CACUL1: variants seen among roughly 807,000 people sequenced by gnomAD.
CACUL1 encodes CDK2-associated and cullin domain-containing protein 1.
A neutral mutation model predicts 45.2 loss-of-function variants in CACUL1; 13 were observed. The ratio of observed to expected loss-of-function variants is 0.29; its 90% CI spans 0.19 to 0.46. The LOEUF (loss-of-function observed/expected upper bound fraction) is 0.46, where lower values mean the gene tolerates loss of function less well. CACUL1 is among the 20% of genes least tolerant of loss of function. The pLI, the probability that CACUL1 is intolerant of heterozygous loss-of-function variation, is 1.00. For synonymous variants in CACUL1, 197 were observed against 174.2 expected, an observed-to-expected ratio of 1.13 and a Z score of -1.03; for missense variants, 421 against 471.4, an observed-to-expected ratio of 0.89 and a Z score of 0.99.
chr10:118,724,906 A>G (rs1190733263), intron 3 of CACUL1, among the ~76,000 whole-genome samples: 1 of 152,242 alleles, frequency 6.6e-6, no homozygotes, highest in African/African-American at 2.4e-5. Context: ...TGAGGTATCT[A>G]TAAGATGAAA....
chr10:118,733,659 CTTG>C (rs1449050895), intron 1 of CACUL1, among the ~76,000 whole-genome samples: 2 of 152,208 alleles, frequency 1.3e-5, no homozygotes, highest in East Asian at 3.8e-4. Context: ...ACTAGATCCT[CTTG>C]TTAAGAGATA....
chr10:118,683,360 A>G lies in CACUL1; in HGVS notation c.*2768T>C, dbSNP rs1176876464. On this transcript the variant is annotated 3_prime_UTR_variant, in exon 9 of 9. Transcript: ENST00000369151. ...AAAACCCAGTATGTAATTGGGGTAG[A>G]AAAACCATATACTGTACTGGCAAGA... 6.7e-6 allele frequency: 1 copy of G among 149,662 alleles called. No homozygotes were observed. Among genetic ancestry groups the G allele is most frequent in the Admixed American group, 6.8e-5 (1 of 14,736 alleles). 9.3% of individuals were successfully genotyped at this position (149,662 alleles called of 1,614,324 possible).
chr10:118,746,151 C>CCAAAAAAAAAAAAA (rs1845841404), intron 1 of CACUL1, among the ~76,000 whole-genome samples: 1 of 91,288 alleles, frequency 1.1e-5, no homozygotes. Flanking sequence ...GACACTGTCT[C>CCAAAAAAAAAAAAA]AAAAAAAAAA....
At chr10:118,747,635 C>T (rs1463538201) in intron 1 of CACUL1, among the ~76,000 whole-genome samples, 4 of 147,030 alleles carry the variant, frequency 2.7e-5, no homozygotes, top group Middle Eastern at 3.6e-3. Flanking sequence ...TATGCGAGAA[C>T]GTGGAAGAAT....
chr10:118,720,128 T>C (rs1388230787), intron 3 of CACUL1, among the ~76,000 whole-genome samples: 5 of 152,332 alleles, frequency 3.3e-5, no homozygotes, highest in Non-Finnish European at 7.3e-5. Context: ...GATTTATTTC[T>C]AAAATAAGAC....
At chr10:118,705,300 A>G (rs1339634136) in intron 4 of CACUL1, among the ~76,000 whole-genome samples, 2 of 152,194 alleles carry the variant, frequency 1.3e-5, no homozygotes, top group African/African-American at 4.8e-5. Context: ...TTTGAAATAA[A>G]TTAGCCATCT....
At chr10:118,718,925 T>C (rs1245336218) in intron 3 of CACUL1, among the ~76,000 whole-genome samples, 1 of 152,194 alleles carries the variant, frequency 6.6e-6, no homozygotes, top group East Asian at 1.9e-4. Flanking sequence ...AAACTGTTCT[T>C]TTTATATACA....
intron 1 of CACUL1, among the ~76,000 whole-genome samples, chr10:118,738,561 T>G (rs1845761720): frequency 7.2e-6 from 1 of 139,772 alleles, no homozygotes; most frequent in African/African-American, 2.7e-5. Flanking sequence ...GAAAAGACAT[T>G]CACATACTAA....
Position 118,691,294 on chromosome 10 carries a change from T to C in CACUL1, c.996A>G (p.Gln332=), listed in dbSNP as rs757109307. The C allele has an allele frequency of 3.7e-5, 60 of 1,613,708 alleles. No homozygotes were observed. Among genetic ancestry groups the C allele is most frequent in the Middle Eastern group, 1.7e-4 (1 of 6,056 alleles). The part of the protein sequence containing the change: ...SEYAAQDQKF[Q]RELIQNGFTR... ...TAAAACCATTCTGTATAAGTTCTCT[T>C]TGAAATTTCTGATCTTGAGCAGCAT... Residue 332 remains glutamine (Q), a synonymous_variant, in exon 7 of 9, where the codon CAA becomes CAG. Transcript: ENST00000369151.
At chr10:118,721,630 C>G (rs1384203310) in intron 3 of CACUL1, among the ~76,000 whole-genome samples, 1 of 152,042 alleles carries the variant, frequency 6.6e-6, no homozygotes, top group East Asian at 1.9e-4. Flanking sequence ...TTAGTAATAT[C>G]GGCGCTAATC....
intron 1 of CACUL1, among the ~76,000 whole-genome samples, chr10:118,736,304 C>T (rs1845740508): frequency 6.6e-6 from 1 of 152,016 alleles, no homozygotes; most frequent in African/African-American, 2.4e-5. Context: ...AGAGTTATTA[C>T]AGAGAAGCCG....
intron 3 of CACUL1, 127 bp downstream of exon 3, chr10:118,729,168 C>T (rs1845677207): frequency 4.6e-6 from 3 of 646,330 alleles, no homozygotes; most frequent in East Asian, 5.8e-5. Context: ...TCAACATTCA[C>T]CTAGAAAACA....
intron 7 of CACUL1, among the ~76,000 whole-genome samples, chr10:118,690,637 CATT>C (rs1486797222): frequency 5.3e-5 from 8 of 152,168 alleles, no homozygotes; most frequent in Admixed American, 2.0e-4. Flanking sequence ...CATAAAAGTA[CATT>C]ATAACAGATC....
intron 5 of CACUL1, among the ~76,000 whole-genome samples, chr10:118,699,731 G>A (rs1316487663): frequency 6.6e-6 from 1 of 151,750 alleles, no homozygotes; most frequent in African/African-American, 2.4e-5. Flanking sequence ...TGCAAGCTCC[G>A]CATCCCGGGT....
At chr10:118,743,990 A>G (rs1845817248) in intron 1 of CACUL1, among the ~76,000 whole-genome samples, 1 of 152,224 alleles carries the variant, frequency 6.6e-6, no homozygotes, top group South Asian at 2.1e-4. Context: ...TACACAAAGG[A>G]AAGAAGAGGG....
At chr10:118,736,951 A>G (rs1350347196) in intron 1 of CACUL1, among the ~76,000 whole-genome samples, 1 of 152,172 alleles carries the variant, frequency 6.6e-6, no homozygotes, top group Non-Finnish European at 1.5e-5. Context: ...GCAATAGGCT[A>G]TATCTTATAT....
chr10:118,712,328 ACCAAAGGGCC>A (rs752304914), intron 3 of CACUL1, among the ~76,000 whole-genome samples: 12 of 152,118 alleles, frequency 7.9e-5, no homozygotes, highest in African/African-American at 2.2e-4. Flanking sequence ...AACTCCAAGA[ACCAAAGGGCC>A]CCAAAGGGCC....
chr10:118,686,841 T>G lies in CACUL1; in HGVS notation c.1026-200A>C, dbSNP rs530355963. 6 of 560,870 alleles carry G rather than the reference T, an allele frequency of 1.1e-5. No individual in the cohort carries two copies. The African/African-American group carries it at 1.1e-4, about 11-fold the overall frequency. 34.7% of individuals were successfully genotyped at this position (560,870 alleles called of 1,614,324 possible). On this transcript the variant is annotated intron_variant, in intron 7 of 8. Coordinates refer to ENST00000369151, the MANE Select transcript of CACUL1 (RefSeq NM_153810.5). ...GGAAGAACATGAGCCTTTACCTGTATTAACCAGTTCATCCTCAAACACCTA... is the reference window on the plus strand; with the variant it reads ...GGAAGAACATGAGCCTTTACCTGTAGTAACCAGTTCATCCTCAAACACCTA...
At chr10:118,751,162 G>C (rs1031023938) in intron 1 of CACUL1, among the ~76,000 whole-genome samples, 1 of 152,116 alleles carries the variant, frequency 6.6e-6, no homozygotes, top group African/African-American at 2.4e-5. Flanking sequence ...GTAGTCCCTT[G>C]TCTAGTCAGA....
Sources: allele counts gnomAD v4.1 joint callset (sites outside exome capture counted in the v4.1 genomes callset), GRCh38; gene constraint gnomAD v4.1.1; transcripts MANE v1.5; gene names NCBI Gene and HGNC (gene_info 2026-07-23, HGNC 2026-07-21).